The following GHR variants were observed in gnomAD, a reference collection of about 807,000 sequenced individuals.
GHR encodes the protein growth hormone receptor.
A neutral mutation model predicts 67.1 loss-of-function variants in GHR; 35 were observed. The observed-to-expected ratio is 0.52, with a 90% CI of 0.40 to 0.69. GHR has a LOEUF of 0.69. Among genes scored for constraint, GHR ranks in the 30% least tolerant of loss-of-function variants. The pLI, the probability that GHR is intolerant of heterozygous loss-of-function variation, is 0.00. For synonymous variants in GHR, 272 were observed against 269.1 expected (o/e 1.01, Z -0.10); for missense variants, 792 against 764.6 (o/e 1.04, Z -0.42).
intron 1 of GHR, chr5:42,466,748 G>T: frequency 2.0e-6 from 1 of 504,738 alleles, no homozygotes. Context: ...CTTGTGTTTT[G>T]TGCTGCATTC....
At chr5:42,691,476 A>G (rs948197018) in intron 4 of GHR, among the ~76,000 whole-genome samples, 1 of 152,176 alleles carries the variant, frequency 6.6e-6, no homozygotes, top group Non-Finnish European at 1.5e-5. Context: ...CTTCACAGAG[A>G]AGACAATACA....
chr5:42,467,297 CAT>C (rs1744773299), intron 1 of GHR: 2 of 1,116,208 alleles, frequency 1.8e-6, no homozygotes, highest in Admixed American at 3.4e-5. Context: ...AACTCACACT[CAT>C]ATGGCTTCTC....
chr5:42,448,983 A>T (rs991451250), intron 1 of GHR, among the ~76,000 whole-genome samples: 1 of 152,098 alleles, frequency 6.6e-6, no homozygotes, highest in African/African-American at 2.4e-5. Flanking sequence ...ATTCTGTTCC[A>T]TTGGCCTATG....
At chr5:42,505,776 C>T (rs1044317952) in intron 1 of GHR, among the ~76,000 whole-genome samples, 3 of 152,122 alleles carry the variant, frequency 2.0e-5, no homozygotes, top group Non-Finnish European at 2.9e-5. Context: ...CAGTATAATG[C>T]GTGCTCATAG....
intron 2 of GHR, among the ~76,000 whole-genome samples, chr5:42,608,362 G>T (rs1304785042): frequency 6.6e-6 from 1 of 152,052 alleles, no homozygotes; most frequent in Admixed American, 6.6e-5. Flanking sequence ...TCGCTCAGCA[G>T]TGTTTGTTAC....
At chr5:42,585,618 A>T (rs767778241) in intron 2 of GHR, among the ~76,000 whole-genome samples, 4 of 152,240 alleles carry the variant, frequency 2.6e-5, no homozygotes, top group Admixed American at 6.5e-5. Context: ...TATTTTTGTC[A>T]TAGATTACTT....
At chr5:42,686,802 A>G (rs1402715122) in intron 3 of GHR, among the ~76,000 whole-genome samples, 1 of 152,224 alleles carries the variant, frequency 6.6e-6, no homozygotes, top group Non-Finnish European at 1.5e-5. Flanking sequence ...ATTCCTTTTC[A>G]ACATATTATT....
At chr5:42,662,023 G>A (rs1381377445) in intron 3 of GHR, among the ~76,000 whole-genome samples, 1 of 152,100 alleles carries the variant, frequency 6.6e-6, no homozygotes, top group Non-Finnish European at 1.5e-5. Flanking sequence ...ATTACATAAT[G>A]GTAAAGGGAT....
At chr5:42,527,659 A>AT (rs1421845520) in intron 1 of GHR, among the ~76,000 whole-genome samples, 1 of 152,144 alleles carries the variant, frequency 6.6e-6, no homozygotes. Context: ...AAGGCAGAAA[A>AT]TTAACAAAGA....
chr5:42,507,504 G>A (rs1426394762), intron 1 of GHR, among the ~76,000 whole-genome samples: 1 of 152,198 alleles, frequency 6.6e-6, no homozygotes, highest in Non-Finnish European at 1.5e-5. Context: ...ACTCAAGTGC[G>A]ATTGTAAAAT....
chr5:42,537,018 T>C (rs923636093), intron 1 of GHR, among the ~76,000 whole-genome samples: 1 of 152,078 alleles, frequency 6.6e-6, no homozygotes, highest in East Asian at 1.9e-4. Flanking sequence ...TCCCCCATTT[T>C]GTTTCTTAAT....
Position 42,610,666 on chromosome 5 carries a change from GA to G in GHR, c.71-18361del, listed in dbSNP as rs112288959. Reference sequence around the variant, plus strand: ...CTGCAGTACAGGTCTAATCCCAGTGGAAAAAAAAAAAGGAGAGAAGGAATGA... The same window carrying G: ...CTGCAGTACAGGTCTAATCCCAGTGGAAAAAAAAAAGGAGAGAAGGAATGA... On this transcript the variant is annotated intron_variant, in intron 2 of 9. Coordinates refer to ENST00000230882, the MANE Select transcript of GHR (RefSeq NM_000163.5). 7.7e-3 allele frequency among the ~76,000 whole-genome samples: 1,098 copies of G among 142,674 alleles called. 12 individuals carry two copies. Among genetic ancestry groups the G allele is most frequent in the African/African-American group, 0.024 (931 of 39,028 alleles). The allele number at this position is 142,674 out of a possible 152,430, so 93.6% of individuals were successfully genotyped here. A position where few individuals can be genotyped will look rare whatever the true frequency, so the allele number is the denominator to read the frequency against.
chr5:42,426,329 C>T (rs934422628), intron 1 of GHR, among the ~76,000 whole-genome samples: 1 of 152,072 alleles, frequency 6.6e-6, no homozygotes, highest in African/African-American at 2.4e-5. Context: ...TCCTGGTGAG[C>T]AATGTTAATG....
At chr5:42,557,525 T>C (rs1180783618) in intron 1 of GHR, among the ~76,000 whole-genome samples, 1 of 152,198 alleles carries the variant, frequency 6.6e-6, no homozygotes, top group Non-Finnish European at 1.5e-5. Context: ...TGCCAAATGC[T>C]TTAAATAAAT....
chr5:42,643,655 A>G (rs1754586853), intron 3 of GHR, among the ~76,000 whole-genome samples: 1 of 152,054 alleles, frequency 6.6e-6, no homozygotes, highest in Non-Finnish European at 1.5e-5. Context: ...CCATTTTTGT[A>G]GAGAGAAATT....
intron 1 of GHR, among the ~76,000 whole-genome samples, chr5:42,529,999 C>CTTTT (rs376534691): frequency 0.011 from 653 of 57,500 alleles, no homozygotes; most frequent in Middle Eastern, 0.015. Flanking sequence ...TGAATCACTT[C>CTTTT]TTTTTTTTTT....
chr5:42,514,420 G>A, intron 1 of GHR: 3 of 633,230 alleles, frequency 4.7e-6, no homozygotes, highest in Non-Finnish European at 5.9e-6. Flanking sequence ...TTATATCTGG[G>A]GCTATTCAAA....
rs577837554 is a variant in GHR, at chr5:42,655,329, G to A, written c.136+26226G>A. On this transcript the variant is annotated intron_variant, in intron 3 of 9. Coordinates refer to ENST00000230882, the MANE Select transcript of GHR (RefSeq NM_000163.5). The stretch of plus-strand genomic sequence containing the variant: ...GAGGGCACTTGGAGAGCTGTAAGAG[G>A]ATAAGGAGCCCAGGGCTCTGCCTTG... 2.6e-5 allele frequency among the ~76,000 whole-genome samples: 4 copies of A among 152,252 alleles called. No homozygotes were observed. In the East Asian group the frequency reaches 7.7e-4, roughly 29 times the overall value.
At chr5:42,634,841 C>G (rs575087540) in intron 3 of GHR, among the ~76,000 whole-genome samples, 1 of 152,116 alleles carries the variant, frequency 6.6e-6, no homozygotes, top group East Asian at 1.9e-4. Flanking sequence ...CTCCTGCCTG[C>G]GGCCCACCAC....
Sources: allele counts gnomAD v4.1 joint callset (sites outside exome capture counted in the v4.1 genomes callset), GRCh38; gene constraint gnomAD v4.1.1; transcripts MANE v1.5; gene names NCBI Gene and HGNC (gene_info 2026-07-23, HGNC 2026-07-21).